GNG4: variants seen among roughly 807,000 people sequenced by gnomAD.
The protein encoded by GNG4 is G protein subunit gamma 4.
In GNG4, 4 loss-of-function variants were observed where a neutral mutation model predicts 5.8. The ratio of observed to expected loss-of-function variants is 0.69; its 90% CI spans 0.34 to 1.57. The LOEUF (loss-of-function observed/expected upper bound fraction) is 1.57. GNG4 is among the 40% of genes most tolerant of loss of function. GNG4 has a pLI of 0.06. For missense variants in GNG4, 96 were observed against 95.1 expected, an observed-to-expected ratio of 1.01 and a Z score of -0.04; for synonymous variants, 29 against 32.9, an observed-to-expected ratio of 0.88 and a Z score of 0.41.
chr1:235,633,441 A>G (rs573126131), intron 1 of GNG4, among the ~76,000 whole-genome samples: 2 of 152,332 alleles, frequency 1.3e-5, no homozygotes, highest in East Asian at 1.9e-4. Context: ...ACAGTCTGCC[A>G]GGGAGGCTGG....
chr1:235,555,212 T>C (rs76751832), intron 3 of GNG4, among the ~76,000 whole-genome samples: 1 of 152,126 alleles, frequency 6.6e-6, no homozygotes, highest in East Asian at 1.9e-4. Context: ...ACCTGTCCAG[T>C]CCCAGACAGT....
intron 1 of GNG4, among the ~76,000 whole-genome samples, chr1:235,617,276 C>T (rs898628005): frequency 5.3e-5 from 8 of 152,158 alleles, no homozygotes; most frequent in African/African-American, 1.9e-4. Context: ...CCTATTACTT[C>T]TCTCAGAGAG....
intron 1 of GNG4, among the ~76,000 whole-genome samples, chr1:235,598,657 C>T (rs1340685134): frequency 1.3e-5 from 2 of 151,664 alleles, no homozygotes; most frequent in African/African-American, 4.8e-5. Context: ...ATGCCCAAGT[C>T]AAACCCCAGG....
chr1:235,596,078 G>T (rs921945312), intron 1 of GNG4, among the ~76,000 whole-genome samples: 2 of 152,170 alleles, frequency 1.3e-5, no homozygotes, highest in African/African-American at 4.8e-5. Flanking sequence ...GGAGGCTGAG[G>T]CAGGAGAATA....
intron 1 of GNG4, chr1:235,616,058 C>A: frequency 2.6e-6 from 1 of 381,310 alleles, no homozygotes; most frequent in South Asian, 2.0e-5. Context: ...GGCCGTCTTC[C>A]ATGAGGAGTT....
At chr1:235,638,844 T>C (rs1390367542) in intron 1 of GNG4, among the ~76,000 whole-genome samples, 2 of 150,346 alleles carry the variant, frequency 1.3e-5, no homozygotes, top group Non-Finnish European at 3.0e-5. Context: ...CTCATTCTTT[T>C]TTATGGCTGC....
chr1:235,584,321 T>C (rs1687711307), intron 2 of GNG4, among the ~76,000 whole-genome samples: 1 of 152,150 alleles, frequency 6.6e-6, no homozygotes, highest in Non-Finnish European at 1.5e-5. Flanking sequence ...TAGCCAAAGA[T>C]CCTACAGCCA....
Position 235,552,244 on chromosome 1 carries a change from G to A in GNG4, c.100-7C>T, listed in dbSNP as rs1184537254. On this transcript the variant is annotated splice_polypyrimidine_tract_variant and splice_region_variant and intron_variant, in intron 3 of 3. Coordinates refer to ENST00000391854, the MANE Select transcript of GNG4 (RefSeq NM_001098722.2). Reference sequence around the variant, plus strand: ...CCGCAGCTGCCTGGGAGACCTGTGAGGGCACAGAGCACAGGTGCTCAGTTA... The same window carrying A: ...CCGCAGCTGCCTGGGAGACCTGTGAAGGCACAGAGCACAGGTGCTCAGTTA... The A allele has an allele frequency of 5.0e-6, 8 of 1,613,654 alleles. No individual in the cohort carries two copies. Among genetic ancestry groups the A allele is most frequent in the South Asian group, 1.1e-5 (1 of 91,074 alleles).
chr1:235,612,897 T>C (rs1441028301), intron 1 of GNG4, among the ~76,000 whole-genome samples: 3 of 152,118 alleles, frequency 2.0e-5, no homozygotes, highest in South Asian at 2.1e-4. Flanking sequence ...GGTGCCAGCA[T>C]GGTCAGGTTG....
intron 1 of GNG4, among the ~76,000 whole-genome samples, chr1:235,597,689 G>A (rs142621963): frequency 0.017 from 2,434 of 146,246 alleles, 23 homozygotes; most frequent in Non-Finnish European, 0.023. Context: ...GCAATGGTGC[G>A]ATCTCAGCTC....
chr1:235,573,224 A>G (rs1283829951), intron 3 of GNG4, among the ~76,000 whole-genome samples: 7 of 150,668 alleles, frequency 4.6e-5, no homozygotes, highest in Non-Finnish European at 1.0e-4. Context: ...AACTATCGCA[A>G]GGACAGAAAA....
intron 3 of GNG4, among the ~76,000 whole-genome samples, chr1:235,563,035 T>A (rs148746216): frequency 2.5e-4 from 38 of 152,376 alleles, no homozygotes; most frequent in African/African-American, 7.9e-4. Context: ...TATTTGGTAT[T>A]GTTTCTGCTG....
intron 1 of GNG4, among the ~76,000 whole-genome samples, chr1:235,625,255 C>T (rs886182848): frequency 2.0e-5 from 3 of 152,090 alleles, no homozygotes; most frequent in Non-Finnish European, 4.4e-5. Context: ...GCAAACTTCC[C>T]GGCATTTAAA....
chr1:235,569,078 T>C (rs1687273021), intron 3 of GNG4, among the ~76,000 whole-genome samples: 1 of 152,160 alleles, frequency 6.6e-6, no homozygotes, highest in Non-Finnish European at 1.5e-5. Context: ...CCTCCTGCCT[T>C]GGCTTCCCAA....
Position 235,552,075 on chromosome 1 carries a change from G to T in GNG4, c.*34C>A, listed in dbSNP as rs1686764124. 3.4e-5 allele frequency: 55 copies of T among 1,608,332 alleles called. No individual in the cohort carries two copies. Among genetic ancestry groups the T allele is most frequent in the Non-Finnish European group, 4.7e-5 (55 of 1,175,426 alleles). ...ATGGTCTCTACAGGGGACTTTGAAG[G>T]TCAGAAAAGGAGGCGTTTTCATCAC... On this transcript the variant is annotated 3_prime_UTR_variant, in exon 4 of 4. Coordinates refer to ENST00000391854, the MANE Select transcript of GNG4 (RefSeq NM_001098722.2).
chr1:235,559,328 A>G (rs937442730), intron 3 of GNG4, among the ~76,000 whole-genome samples: 3 of 152,208 alleles, frequency 2.0e-5, no homozygotes, highest in Admixed American at 1.3e-4. Flanking sequence ...CCACTAGAAG[A>G]TATCATATAC....
At chr1:235,556,664 C>T (rs1342085135) in intron 3 of GNG4, among the ~76,000 whole-genome samples, 2 of 151,146 alleles carry the variant, frequency 1.3e-5, no homozygotes, top group East Asian at 1.9e-4. Context: ...TCGTGGAAGA[C>T]AGTTTTTCCA....
Position 235,624,104 on chromosome 1 carries a change from C to CT in GNG4, c.-123+25557dup, listed in dbSNP as rs34430706. 4.8e-3 allele frequency among the ~76,000 whole-genome samples: 671 copies of CT among 138,872 alleles called. 1 individual carries two copies. Among genetic ancestry groups the CT allele is most frequent in the Non-Finnish European group, 6.8e-3 (435 of 64,294 alleles). 91.1% of individuals were successfully genotyped at this position (138,872 alleles called of 152,430 possible). A position where few individuals can be genotyped will look rare whatever the true frequency, so the allele number is the denominator to read the frequency against. On this transcript the variant is annotated intron_variant, in intron 1 of 3. Transcript: ENST00000391854. ...GTACTTCAGTCTGTGTGGCCAATTC[C>CT]TTTTTTTTTTTTTTTTGAGACGGAG...
At chr1:235,639,301 T>G (rs1228929121) in intron 1 of GNG4, among the ~76,000 whole-genome samples, 1 of 152,226 alleles carries the variant, frequency 6.6e-6, no homozygotes, top group Non-Finnish European at 1.5e-5. Flanking sequence ...GAATAAGTAG[T>G]TCATACAACA....
Sources: allele counts gnomAD v4.1 joint callset (sites outside exome capture counted in the v4.1 genomes callset), GRCh38; gene constraint gnomAD v4.1.1; transcripts MANE v1.5; gene names NCBI Gene and HGNC (gene_info 2026-07-23, HGNC 2026-07-21).